Variants in RNF180 observed in about 807,000 individuals in gnomAD.
RNF180 encodes ring finger protein 180.
A neutral mutation model predicts 59.2 loss-of-function variants in RNF180; 38 were observed. The ratio of observed to expected loss-of-function variants is 0.64; its 90% CI spans 0.50 to 0.84. The LOEUF is 0.84. Among genes scored for constraint, RNF180 ranks in the 40% least tolerant of loss-of-function variants. The pLI is 0.00. For synonymous variants in RNF180, 262 were observed against 240.3 expected (o/e 1.09, Z -0.84); for missense variants, 705 against 700.9 (o/e 1.01, Z -0.07).
intron 7 of RNF180, among the ~76,000 whole-genome samples, chr5:64,362,625 G>T (rs779338577): frequency 6.6e-6 from 1 of 151,670 alleles, no homozygotes; most frequent in East Asian, 1.9e-4. Flanking sequence ...TGCTGGGGTC[G>T]AATGGTAGTT....
intron 7 of RNF180, among the ~76,000 whole-genome samples, chr5:64,364,157 T>C (rs760794833): frequency 5.3e-5 from 8 of 151,660 alleles, no homozygotes; most frequent in Non-Finnish European, 1.2e-4. Context: ...ATCCTTGTCT[T>C]ATGTTTTTCA....
chr5:64,270,323 A>C (rs1741323563), intron 5 of RNF180, among the ~76,000 whole-genome samples: 1 of 152,128 alleles, frequency 6.6e-6, no homozygotes, highest in Non-Finnish European at 1.5e-5. Context: ...TTTGACAGTA[A>C]TTTGCTGGAC....
At chr5:64,219,517 A>C (rs1451913175) in intron 5 of RNF180, among the ~76,000 whole-genome samples, 1 of 151,646 alleles carries the variant, frequency 6.6e-6, no homozygotes, top group Non-Finnish European at 1.5e-5. Flanking sequence ...AATGAGGATA[A>C]CATTTTTTTT....
At chr5:64,334,415 G>C (rs1470229646) in intron 7 of RNF180, among the ~76,000 whole-genome samples, 1 of 152,078 alleles carries the variant, frequency 6.6e-6, no homozygotes, top group African/African-American at 2.4e-5. Context: ...CAACAAATCT[G>C]GCTTTTTCCC....
chr5:64,310,008 G>A (rs1317816025), intron 5 of RNF180, among the ~76,000 whole-genome samples: 2 of 151,700 alleles, frequency 1.3e-5, no homozygotes, highest in Non-Finnish European at 3.0e-5. Flanking sequence ...CAGATTTGTT[G>A]TAGTGCCCTT....
At chr5:64,183,240 A>C (rs1750701288) in intron 1 of RNF180, among the ~76,000 whole-genome samples, 1 of 152,182 alleles carries the variant, frequency 6.6e-6, no homozygotes, top group Admixed American at 6.5e-5. Flanking sequence ...TGGAGTTAAC[A>C]GTCCCTACCT....
At chr5:64,270,405 C>T in intron 5 of RNF180, among the ~76,000 whole-genome samples, 1 of 152,180 alleles carries the variant, frequency 6.6e-6, no homozygotes, top group East Asian at 1.9e-4. Flanking sequence ...AATAAGCAAA[C>T]CACTGCAAAA....
intron 5 of RNF180, among the ~76,000 whole-genome samples, chr5:64,300,784 G>A (rs1743123532): frequency 6.6e-6 from 1 of 151,886 alleles, no homozygotes; most frequent in Non-Finnish European, 1.5e-5. Flanking sequence ...GAGGCACTAT[G>A]TTGAGGATCA....
chr5:64,340,958 C>G (rs1288891483), intron 7 of RNF180, among the ~76,000 whole-genome samples: 1 of 152,242 alleles, frequency 6.6e-6, no homozygotes, highest in South Asian at 2.1e-4. Context: ...CCTTTACCTA[C>G]TCTTTCCCTC....
chr5:64,317,895 T>C (rs917974603), intron 5 of RNF180, among the ~76,000 whole-genome samples: 8 of 152,190 alleles, frequency 5.3e-5, no homozygotes, highest in Non-Finnish European at 4.4e-5. Context: ...CTCAGAACGT[T>C]TCCATTAGTA....
At chr5:64,360,582 A>T (rs1460121465) in intron 7 of RNF180, among the ~76,000 whole-genome samples, 2 of 151,810 alleles carry the variant, frequency 1.3e-5, no homozygotes, top group Non-Finnish European at 2.9e-5. Flanking sequence ...AGAAGGAAAT[A>T]AAGGGTATTC....
intron 5 of RNF180, among the ~76,000 whole-genome samples, chr5:64,299,772 G>A (rs1580206338): frequency 6.6e-6 from 1 of 151,916 alleles, no homozygotes; most frequent in Admixed American, 6.6e-5. Context: ...TAGTCCTCCT[G>A]TATCTGTGGT....
At chr5:64,361,125 C>T (rs1463080391) in intron 7 of RNF180, among the ~76,000 whole-genome samples, 1 of 151,348 alleles carries the variant, frequency 6.6e-6, no homozygotes, top group Admixed American at 6.6e-5. Context: ...TAACAGCCAA[C>T]ATGTTTTATG....
intron 7 of RNF180, among the ~76,000 whole-genome samples, chr5:64,357,287 TATAA>T (rs1302547784): frequency 6.6e-6 from 1 of 151,874 alleles, no homozygotes; most frequent in African/African-American, 2.4e-5. Flanking sequence ...TAGTTGTGAC[TATAA>T]ATATATCTCT....
chr5:64,260,726 G>A (rs1021047608), intron 5 of RNF180, among the ~76,000 whole-genome samples: 3 of 152,128 alleles, frequency 2.0e-5, no homozygotes, highest in Non-Finnish European at 4.4e-5. Flanking sequence ...CTAACTGGCT[G>A]TATGAGATCT....
chr5:64,196,054 ACTTT>A (rs1751440870), intron 1 of RNF180, among the ~76,000 whole-genome samples: 1 of 152,174 alleles, frequency 6.6e-6, no homozygotes, highest in Non-Finnish European at 1.5e-5. Context: ...ATGGAAATTG[ACTTT>A]CTTTTCCTTG....
chr5:64,241,460 T>G (rs1402235692), intron 5 of RNF180, among the ~76,000 whole-genome samples: 3 of 152,178 alleles, frequency 2.0e-5, no homozygotes, highest in African/African-American at 7.2e-5. Context: ...GAAGCCAGTC[T>G]TGCAGCCTAC....
intron 5 of RNF180, among the ~76,000 whole-genome samples, chr5:64,222,665 G>GA (rs1741415884): frequency 6.6e-6 from 1 of 152,176 alleles, no homozygotes. Flanking sequence ...CAAACTTCTG[G>GA]AAGGAAAACA....
intron 2 of RNF180, among the ~76,000 whole-genome samples, chr5:64,202,983 C>T (rs1440391271): frequency 6.6e-6 from 1 of 152,226 alleles, no homozygotes; most frequent in Non-Finnish European, 1.5e-5. Flanking sequence ...TGCCTTTGCT[C>T]TTCCTTCAGG....
Sources: gnomAD v4.1 joint callset for allele counts (sites outside exome capture counted in the v4.1 genomes callset) on GRCh38, gnomAD v4.1.1 for gene constraint, MANE v1.5 for transcripts, NCBI Gene and HGNC (gene_info 2026-07-23, HGNC 2026-07-21) for gene names.